FRAS1: variants seen among roughly 807,000 people sequenced by gnomAD.
FRAS1 encodes Fraser extracellular matrix complex subunit 1, also known as extracellular matrix organizing protein FRAS1.
FRAS1 carries 290 observed loss-of-function variants against 435.2 expected under a neutral mutation model. The ratio of observed to expected loss-of-function variants is 0.67; its 90% confidence interval spans 0.61 to 0.73. The LOEUF is 0.73. Ranked by LOEUF, FRAS1 falls within the 30% of genes least tolerant of loss-of-function variation. The probability of loss-of-function intolerance (pLI) is 0.00; values close to 1 mark genes in which losing one functional copy is unlikely to be tolerated. For missense variants in FRAS1, 4,860 were observed against 5,001.5 expected, an observed-to-expected ratio of 0.97 and a Z score of 0.85; for synonymous variants, 1,800 against 1,851.0, an observed-to-expected ratio of 0.97 and a Z score of 0.71.
intron 23 of FRAS1, among the ~76,000 whole-genome samples, chr4:78,370,990 T>G (rs1401103908): frequency 6.6e-6 from 1 of 152,122 alleles, no homozygotes; most frequent in Admixed American, 6.6e-5. Flanking sequence ...GCTTTAAGGC[T>G]CTGCAAAATT....
chr4:78,494,137 G>A (rs1181279439), intron 59 of FRAS1, among the ~76,000 whole-genome samples: 4 of 151,782 alleles, frequency 2.6e-5, no homozygotes, highest in Admixed American at 2.0e-4. Flanking sequence ...GTTGTTTTAT[G>A]TATACAGTTT....
At chr4:78,103,631 C>T (rs144396717) in intron 2 of FRAS1, among the ~76,000 whole-genome samples, 139 of 152,186 alleles carry the variant, frequency 9.1e-4, no homozygotes, top group African/African-American at 2.5e-3. Context: ...GATTAGATGA[C>T]GAGGGAAGAG....
rs1396922262 is a variant in FRAS1, at chr4:78,522,700, T to C, written c.10700T>C (p.Leu3567Ser). 1 of 1,610,568 alleles carries C rather than the reference T, an allele frequency of 6.2e-7. No homozygotes were observed. The highest frequency in any genetic ancestry group is 1.7e-5 in the Admixed American group (1 of 59,586). Reference sequence around the variant, plus strand: ...CTCCCAGAAGTGAAATCTTTCGTATTGACTCCAGACCACCTAGGAGGAATT... The same window carrying C: ...CTCCCAGAAGTGAAATCTTTCGTATCGACTCCAGACCACCTAGGAGGAATT... ...HTLPEVKSFV[L>S]TPDHLGGIEF... The change falls in exon 69 of 74, where the codon TTG becomes TCG. Residue 3567 changes from leucine to serine, a missense_variant. Coordinates refer to ENST00000512123, the MANE Select transcript of FRAS1 (RefSeq NM_025074.7).
At chr4:78,371,832 C>A (rs952228780) in intron 23 of FRAS1, among the ~76,000 whole-genome samples, 1 of 152,200 alleles carries the variant, frequency 6.6e-6, no homozygotes, top group African/African-American at 2.4e-5. Context: ...GCAACAGCAA[C>A]AACTATAATA....
intron 2 of FRAS1, among the ~76,000 whole-genome samples, chr4:78,205,187 CT>C (rs1156373386): frequency 1.4e-5 from 2 of 145,978 alleles, no homozygotes; most frequent in Non-Finnish European, 3.0e-5. Context: ...TCTTTCTTTC[CT>C]TCCTTTTTTT....
At chr4:78,101,893 T>C (rs1309682351) in intron 2 of FRAS1, among the ~76,000 whole-genome samples, 1 of 152,158 alleles carries the variant, frequency 6.6e-6, no homozygotes, top group African/African-American at 2.4e-5. Context: ...AGTGCAGGTT[T>C]TCATTCCGCT....
chr4:78,285,367 A>G (rs1727536099), intron 13 of FRAS1, among the ~76,000 whole-genome samples: 1 of 151,816 alleles, frequency 6.6e-6, no homozygotes, highest in Admixed American at 6.6e-5. Context: ...CTCAAAAAAA[A>G]AAGAAAAAAA....
intron 3 of FRAS1, among the ~76,000 whole-genome samples, chr4:78,243,602 T>C (rs948332836): frequency 1.3e-5 from 2 of 152,056 alleles, no homozygotes; most frequent in Admixed American, 6.6e-5. Context: ...AGAAATTCAA[T>C]AGATAGACCA....
chr4:78,472,752 A>T (rs1719746597), intron 52 of FRAS1, among the ~76,000 whole-genome samples: 1 of 152,226 alleles, frequency 6.6e-6, no homozygotes, highest in Non-Finnish European at 1.5e-5. Flanking sequence ...CCTAGAAATT[A>T]AAATCAACAT....
intron 2 of FRAS1, among the ~76,000 whole-genome samples, chr4:78,217,378 T>C (rs933859723): frequency 2.0e-5 from 3 of 152,080 alleles, no homozygotes; most frequent in South Asian, 2.1e-4. Flanking sequence ...CCATGACATA[T>C]GAGAATGGTA....
intron 2 of FRAS1, among the ~76,000 whole-genome samples, chr4:78,153,561 T>A (rs548401905): frequency 1.8e-4 from 28 of 152,286 alleles, no homozygotes; most frequent in Middle Eastern, 3.4e-3. Context: ...AGAAGTATAT[T>A]TAGAACATTT....
rs749946226 is a variant in FRAS1 at position 78,507,508 on chromosome 4, A to G, written c.9404A>G (p.Asp3135Gly). The G allele has an allele frequency of 1.7e-5, 28 of 1,612,450 alleles. No individual in the cohort carries two copies. The highest frequency in any genetic ancestry group is 2.4e-5 in the Non-Finnish European group (28 of 1,179,312). The change falls in exon 62 of 74, where the codon GAT becomes GGT. Residue 3135 changes from aspartate to glycine, a missense_variant. Physicochemically the swap from Asp to Gly is moderately conservative, Grantham distance 94. Coordinates refer to ENST00000512123, the MANE Select transcript of FRAS1 (RefSeq NM_025074.7). Reference sequence around the variant, plus strand: ...TCTTTCTCACTAGTCCTTGGCCCAGATGACCCAGTGGAAGCAGTTCTTGGG... The same window carrying G: ...TCTTTCTCACTAGTCCTTGGCCCAGGTGACCCAGTGGAAGCAGTTCTTGGG... ...HESFSLVLGP[D>G]DPVEAVLGDV...
At chr4:78,416,684 C>G (rs1733569456) in intron 32 of FRAS1, among the ~76,000 whole-genome samples, 1 of 152,158 alleles carries the variant, frequency 6.6e-6, no homozygotes, top group Non-Finnish European at 1.5e-5. Flanking sequence ...TGGGGCAGGT[C>G]ACGCAGCATT....
intron 3 of FRAS1, among the ~76,000 whole-genome samples, chr4:78,243,164 AGTT>A (rs1251063333): frequency 6.6e-5 from 10 of 152,256 alleles, no homozygotes; most frequent in South Asian, 6.2e-4. Flanking sequence ...TACTTAATAA[AGTT>A]GTTGTGAAAA....
chr4:78,521,113 G>A (rs1044707067), intron 67 of FRAS1, among the ~76,000 whole-genome samples: 2 of 152,178 alleles, frequency 1.3e-5, no homozygotes. Context: ...GTAGCCACCA[G>A]GACTTTGTTT....
chr4:78,196,042 C>CT (rs1722796986), intron 2 of FRAS1, among the ~76,000 whole-genome samples: 1 of 150,928 alleles, frequency 6.6e-6, no homozygotes, highest in Non-Finnish European at 1.5e-5. Context: ...GAGTCTTGCT[C>CT]TGTCACCCAG....
intron 2 of FRAS1, among the ~76,000 whole-genome samples, chr4:78,212,477 T>C (rs1352098534): frequency 1.3e-5 from 2 of 152,006 alleles, no homozygotes; most frequent in African/African-American, 4.8e-5. Context: ...GCAATAAAGG[T>C]CTGTCCTAAG....
chr4:78,320,263 CCA>C (rs1729448784), intron 18 of FRAS1, among the ~76,000 whole-genome samples: 1 of 152,168 alleles, frequency 6.6e-6, no homozygotes, highest in African/African-American at 2.4e-5. Context: ...GTTTTTATAA[CCA>C]CTTGTGGAAT....
intron 40 of FRAS1, among the ~76,000 whole-genome samples, chr4:78,439,592 G>A (rs1106663): frequency 0.36 from 54,331 of 151,894 alleles, 10,042 homozygotes; most frequent in African/African-American, 0.43. Flanking sequence ...CTTTGCCTCA[G>A]CTTCCTTGTC....
Sources: gnomAD v4.1 joint callset for allele counts (sites outside exome capture counted in the v4.1 genomes callset) on GRCh38, gnomAD v4.1.1 for gene constraint, MANE v1.5 for transcripts, NCBI Gene and HGNC (gene_info 2026-07-23, HGNC 2026-07-21) for gene names.